HTR1F: variants seen among roughly 807,000 people sequenced by gnomAD.
The protein encoded by HTR1F is 5-hydroxytryptamine receptor 1F.
A neutral mutation model predicts 24.0 loss-of-function variants in HTR1F; 17 were observed. The ratio of observed to expected loss-of-function variants is 0.71; its 90% confidence interval spans 0.48 to 1.06. HTR1F has a LOEUF of 1.06. Among genes scored for constraint, HTR1F ranks in the 50% least tolerant of loss-of-function variants. HTR1F has a pLI of 0.00. For missense variants in HTR1F, 391 were observed against 427.8 expected, an observed-to-expected ratio of 0.91 and a Z score of 0.76; for synonymous variants, 186 against 156.8, an observed-to-expected ratio of 1.19 and a Z score of -1.39.
At chr3:87,830,773 G>T (rs542047152) in intron 2 of HTR1F, among the ~76,000 whole-genome samples, 1 of 152,068 alleles carries the variant, frequency 6.6e-6, no homozygotes, top group Non-Finnish European at 1.5e-5. Flanking sequence ...ACATTGTTTC[G>T]CCACCTGTAT....
intron 1 of HTR1F, among the ~76,000 whole-genome samples, chr3:87,797,725 G>T (rs12636188): frequency 0.055 from 8,313 of 152,170 alleles, 309 homozygotes; most frequent in East Asian, 0.16. Flanking sequence ...TTAATACTAT[G>T]TACCACACAA....
chr3:87,921,166 A>G (rs1704005524), intron 2 of HTR1F, among the ~76,000 whole-genome samples: 1 of 151,976 alleles, frequency 6.6e-6, no homozygotes, highest in African/African-American at 2.4e-5. Flanking sequence ...ATTCAGATTA[A>G]ACCATTTAAC....
chr3:87,819,821 T>A (rs1002878057), intron 1 of HTR1F, among the ~76,000 whole-genome samples: 1 of 152,016 alleles, frequency 6.6e-6, no homozygotes, highest in African/African-American at 2.4e-5. Context: ...AAACTCAATA[T>A]TAATTAGTTT....
chr3:87,897,756 T>A (rs1456836601), intron 2 of HTR1F, among the ~76,000 whole-genome samples: 1 of 152,058 alleles, frequency 6.6e-6, no homozygotes, highest in African/African-American at 2.4e-5. Context: ...TTTCATGTTC[T>A]TTCACACTCC....
chr3:87,820,269 C>T (rs1305817741), intron 1 of HTR1F, among the ~76,000 whole-genome samples: 3 of 149,848 alleles, frequency 2.0e-5, no homozygotes, highest in Non-Finnish European at 3.0e-5. Context: ...CTCCGCCTCC[C>T]GGGTTCACGC....
intron 2 of HTR1F, among the ~76,000 whole-genome samples, chr3:87,930,536 G>C (rs768443673): frequency 5.3e-5 from 8 of 152,180 alleles, no homozygotes; most frequent in Admixed American, 6.6e-5. Flanking sequence ...CATCTACTGA[G>C]AGACAATCAT....
At chr3:87,891,421 A>T (rs1234163206) in intron 2 of HTR1F, among the ~76,000 whole-genome samples, 2 of 152,204 alleles carry the variant, frequency 1.3e-5, no homozygotes, top group Non-Finnish European at 2.9e-5. Context: ...ATTTCTTTAG[A>T]CATTTTAAAT....
At chr3:87,940,916 T>C (rs1405151093) in intron 2 of HTR1F, among the ~76,000 whole-genome samples, 1 of 152,220 alleles carries the variant, frequency 6.6e-6, no homozygotes, top group African/African-American at 2.4e-5. Context: ...CCCTGTATTA[T>C]TTTAACTGCT....
At chr3:87,901,914 A>G (rs1706332816) in intron 2 of HTR1F, among the ~76,000 whole-genome samples, 1 of 152,132 alleles carries the variant, frequency 6.6e-6, no homozygotes, top group Non-Finnish European at 1.5e-5. Flanking sequence ...CTACAAAATA[A>G]TTGCCAAACA....
Position 87,903,871 on chromosome 3 carries a change from A to C in HTR1F, c.-43+81747A>C, listed in dbSNP as rs562908763. Among the ~76,000 whole-genome samples the C allele has an allele frequency of 2.0e-5, 3 of 152,354 alleles. No homozygotes were observed. The South Asian group carries it at 6.2e-4, about 32-fold the overall frequency. ...TTCACAATAGCAAAGACTTGGAACC[A>C]ACCCAAATGTCCAGCAATGATACAC... is the stretch of plus-strand genomic sequence containing the variant. On this transcript the variant is annotated intron_variant, in intron 2 of 2. Transcript: ENST00000319595.
intron 2 of HTR1F, among the ~76,000 whole-genome samples, chr3:87,832,858 A>C (rs1704610878): frequency 6.6e-6 from 1 of 152,238 alleles, no homozygotes. Context: ...TCCAGGAATG[A>C]AAAGCCTCTG....
chr3:87,864,276 T>C (rs989328900), intron 2 of HTR1F, among the ~76,000 whole-genome samples: 1 of 152,182 alleles, frequency 6.6e-6, no homozygotes, highest in Non-Finnish European at 1.5e-5. Context: ...TGGCCTACCA[T>C]AGCCAGTTTA....
intron 2 of HTR1F, among the ~76,000 whole-genome samples, chr3:87,850,663 TTAAG>T (rs1050927431): frequency 3.3e-5 from 5 of 151,762 alleles, no homozygotes; most frequent in South Asian, 2.1e-4. Flanking sequence ...TATTCAAAAA[TTAAG>T]TATGTCAATA....
At chr3:87,906,295 T>A (rs1252910887) in intron 2 of HTR1F, among the ~76,000 whole-genome samples, 1 of 152,030 alleles carries the variant, frequency 6.6e-6, no homozygotes, top group African/African-American at 2.4e-5. Flanking sequence ...TACCAAACTG[T>A]ATGTGTTGTA....
At chr3:87,815,332 A>T (rs1468627862) in intron 1 of HTR1F, among the ~76,000 whole-genome samples, 1 of 152,106 alleles carries the variant, frequency 6.6e-6, no homozygotes, top group Non-Finnish European at 1.5e-5. Context: ...AGAAAAGATT[A>T]ATGTTTAATT....
At chr3:87,951,288 A>G (rs1704827779) in intron 2 of HTR1F, among the ~76,000 whole-genome samples, 1 of 152,188 alleles carries the variant, frequency 6.6e-6, no homozygotes, top group African/African-American at 2.4e-5. Context: ...CAATAGTTAT[A>G]TATTAAAGTT....
intron 2 of HTR1F, among the ~76,000 whole-genome samples, chr3:87,877,392 G>A (rs1441966253): frequency 6.6e-6 from 1 of 151,662 alleles, no homozygotes; most frequent in Non-Finnish European, 1.5e-5. Context: ...AATTGATTAG[G>A]CACCCACTCA....
chr3:87,931,026 C>CTTTTTTTTTTTTTTT (rs34617109), intron 2 of HTR1F, among the ~76,000 whole-genome samples: 1 of 131,838 alleles, frequency 7.6e-6, no homozygotes, highest in Non-Finnish European at 1.6e-5. Context: ...ATAGTCTTTC[C>CTTTTTTTTTTTTTTT]TTTTTTTTTT....
intron 1 of HTR1F, among the ~76,000 whole-genome samples, chr3:87,816,313 A>G (rs2107111288): frequency 6.6e-6 from 1 of 152,126 alleles, no homozygotes; most frequent in African/African-American, 2.4e-5. Flanking sequence ...TGCTCTTCTG[A>G]CTTTTTTTAC....
Sources: allele counts gnomAD v4.1 joint callset (sites outside exome capture counted in the v4.1 genomes callset), GRCh38; gene constraint gnomAD v4.1.1; transcripts MANE v1.5; gene names NCBI Gene and HGNC (gene_info 2026-07-23, HGNC 2026-07-21).